PRKAR2B: variants seen among roughly 807,000 people sequenced by gnomAD.
PRKAR2B encodes protein kinase cAMP-dependent type II regulatory subunit beta.
Under a neutral mutation model 49.9 loss-of-function variants are expected in PRKAR2B, and 14 were observed. That is an observed-to-expected ratio of 0.28 (90% CI 0.19 to 0.44). The LOEUF is 0.44. Ranked by LOEUF, PRKAR2B falls within the 20% of genes least tolerant of loss-of-function variation. The pLI, the probability that PRKAR2B is intolerant of heterozygous loss-of-function variation, is 1.00. For synonymous variants in PRKAR2B, 196 were observed against 197.7 expected (o/e 0.99, Z 0.07); for missense variants, 393 against 537.9 (o/e 0.73, Z 2.67).
intron 10 of PRKAR2B, among the ~76,000 whole-genome samples, chr7:107,157,801 A>G (rs999389510): frequency 2.0e-5 from 3 of 152,186 alleles, no homozygotes; most frequent in African/African-American, 7.2e-5. Flanking sequence ...TGTTATTACT[A>G]TTTTACCAGA....
At chr7:107,053,465 A>G (rs1220340232) in intron 1 of PRKAR2B, among the ~76,000 whole-genome samples, 2 of 151,744 alleles carry the variant, frequency 1.3e-5, no homozygotes, top group South Asian at 2.1e-4. Context: ...ATACTCTAGT[A>G]ATATATAAAG....
At position 107,045,145 on chromosome 7, in the gene PRKAR2B, C is replaced by G; in HGVS notation, c.238C>G (p.Pro80Ala). The change falls in exon 1 of 11, where the codon CCC becomes GCC. Residue 80 changes from proline (P) to alanine (A), a missense_variant. Pro to Ala is a conservative substitution (Grantham distance 27, BLOSUM62 -1). Coordinates refer to ENST00000265717, the MANE Select transcript of PRKAR2B (RefSeq NM_002736.3). ...PSKGVNFAEE[P>A]MQSDSEDGEE... ...CAAGGGGGTCAACTTCGCCGAGGAG[C>G]CCATGCAGTCCGACTCCGAGGACGG... is the stretch of plus-strand genomic sequence containing the variant. 6.6e-7 allele frequency: 1 copy of G among 1,509,822 alleles called. No individual in the cohort carries two copies. The highest frequency in any genetic ancestry group is 8.8e-7 in the Non-Finnish European group (1 of 1,130,992). 93.5% of individuals were successfully genotyped at this position (1,509,822 alleles called of 1,614,324 possible). A position where few individuals can be genotyped will look rare whatever the true frequency, so the allele number is the denominator to read the frequency against.
intron 8 of PRKAR2B, among the ~76,000 whole-genome samples, chr7:107,154,270 G>A (rs925560278): frequency 2.0e-5 from 3 of 152,166 alleles, no homozygotes; most frequent in Non-Finnish European, 2.9e-5. Flanking sequence ...GAGAGGTCCC[G>A]TGTACTCTTC....
intron 2 of PRKAR2B, among the ~76,000 whole-genome samples, chr7:107,094,238 T>C (rs1794792655): frequency 6.6e-6 from 1 of 152,234 alleles, no homozygotes; most frequent in Non-Finnish European, 1.5e-5. Flanking sequence ...ATTGTGGTTT[T>C]GATTTGCATT....
chr7:107,157,621 A>G (rs1435841451), intron 10 of PRKAR2B, among the ~76,000 whole-genome samples: 1 of 152,200 alleles, frequency 6.6e-6, no homozygotes, highest in East Asian at 1.9e-4. Context: ...CAAATAAGCA[A>G]CATGTGCTAT....
intron 1 of PRKAR2B, among the ~76,000 whole-genome samples, chr7:107,048,620 C>T (rs916607758): frequency 1.1e-4 from 16 of 152,146 alleles, no homozygotes; most frequent in African/African-American, 3.9e-4. Flanking sequence ...AGCCAGGCAC[C>T]TGCAGTTAGC....
At chr7:107,120,522 C>T (rs1227140783) in intron 2 of PRKAR2B, among the ~76,000 whole-genome samples, 1 of 152,132 alleles carries the variant, frequency 6.6e-6, no homozygotes, top group Non-Finnish European at 1.5e-5. Flanking sequence ...ATTCGTCAGC[C>T]TTTCATTTAT....
At chr7:107,069,193 C>T (rs1794214726) in intron 1 of PRKAR2B, among the ~76,000 whole-genome samples, 1 of 152,194 alleles carries the variant, frequency 6.6e-6, no homozygotes, top group African/African-American at 2.4e-5. Context: ...ACCTTGGCCT[C>T]CCAAAGTGTT....
At chr7:107,119,640 T>C (rs1045823794) in intron 2 of PRKAR2B, among the ~76,000 whole-genome samples, 1 of 152,190 alleles carries the variant, frequency 6.6e-6, no homozygotes, top group Non-Finnish European at 1.5e-5. Context: ...CCTCAGGCTA[T>C]CCAGCCTGAT....
At chr7:107,059,600 C>T (rs947004713) in intron 1 of PRKAR2B, among the ~76,000 whole-genome samples, 1 of 151,998 alleles carries the variant, frequency 6.6e-6, no homozygotes, top group Non-Finnish European at 1.5e-5. Flanking sequence ...TTTAACATTA[C>T]TTCTATGTAG....
At chr7:107,082,415 C>T (rs994970183) in intron 2 of PRKAR2B, among the ~76,000 whole-genome samples, 1 of 151,922 alleles carries the variant, frequency 6.6e-6, no homozygotes, top group African/African-American at 2.4e-5. Context: ...ATGAAGAGAG[C>T]TATTTAATGT....
At chr7:107,151,570 G>A (rs1156527811) in intron 7 of PRKAR2B, among the ~76,000 whole-genome samples, 3 of 152,212 alleles carry the variant, frequency 2.0e-5, no homozygotes, top group Non-Finnish European at 2.9e-5. Flanking sequence ...AACCCATTGT[G>A]AGTTGAAAAT....
chr7:107,139,371 G>A (rs530827060), intron 4 of PRKAR2B, among the ~76,000 whole-genome samples: 186 of 152,294 alleles, frequency 1.2e-3, no homozygotes, highest in African/African-American at 2.2e-3. Context: ...ATCTGTTCTA[G>A]TTCTAATTTG....
intron 2 of PRKAR2B, among the ~76,000 whole-genome samples, chr7:107,108,420 T>C (rs766258559): frequency 3.9e-5 from 6 of 152,036 alleles, no homozygotes; most frequent in Non-Finnish European, 7.4e-5. Context: ...GACAAAAAGA[T>C]TTGAGAGAAA....
In PRKAR2B at chr7:107,128,304, A is replaced by G. The variant is rs1459762491; in HGVS notation, c.480+9A>G. ...TTAAGAATCTGGATCCGGTAAGATA[A>G]ATCTTAATAATAGAAATGGCTTTGT... On this transcript the variant is annotated intron_variant, in intron 4 of 10. Transcript: ENST00000265717. 1 of 1,586,036 alleles carries G rather than the reference A, an allele frequency of 6.3e-7. No homozygotes were observed. The highest frequency in any genetic ancestry group is 8.7e-7 in the Non-Finnish European group (1 of 1,154,526).
At chr7:107,113,795 C>T (rs1262964569) in intron 2 of PRKAR2B, among the ~76,000 whole-genome samples, 1 of 152,044 alleles carries the variant, frequency 6.6e-6, no homozygotes, top group Non-Finnish European at 1.5e-5. Flanking sequence ...TTGGGTTAGT[C>T]TTGTATCTTT....
intron 2 of PRKAR2B, among the ~76,000 whole-genome samples, chr7:107,106,830 C>T (rs1192648434): frequency 6.6e-6 from 1 of 151,960 alleles, no homozygotes; most frequent in Non-Finnish European, 1.5e-5. Context: ...GAGTGTGGCC[C>T]TTCTAGGTGG....
chr7:107,054,432 C>T (rs1164682256), intron 1 of PRKAR2B, among the ~76,000 whole-genome samples: 1 of 152,174 alleles, frequency 6.6e-6, no homozygotes, highest in Non-Finnish European at 1.5e-5. Context: ...ATATTCTTGT[C>T]TTAAGTCATT....
intron 2 of PRKAR2B, among the ~76,000 whole-genome samples, chr7:107,109,551 T>G (rs1795136272): frequency 6.6e-6 from 1 of 152,060 alleles, no homozygotes; most frequent in Non-Finnish European, 1.5e-5. Flanking sequence ...CATGAGCCAC[T>G]GTGCTTGGCC....
Sources: gnomAD v4.1 joint callset for allele counts (sites outside exome capture counted in the v4.1 genomes callset) on GRCh38, gnomAD v4.1.1 for gene constraint, MANE v1.5 for transcripts, NCBI Gene and HGNC (gene_info 2026-07-23, HGNC 2026-07-21) for gene names.